FDX1: variants seen among roughly 807,000 people sequenced by gnomAD.
FDX1 encodes adrenodoxin, mitochondrial.
In FDX1, 9 loss-of-function variants were observed where a neutral mutation model predicts 14.9. That is an observed-to-expected ratio of 0.60 (90% confidence interval 0.36 to 1.05). The LOEUF (loss-of-function observed/expected upper bound fraction) is 1.05, where lower values mean the gene tolerates loss of function less well. Among genes scored for constraint, FDX1 ranks in the 50% least tolerant of loss-of-function variants. FDX1 has a pLI of 0.01. For missense variants in FDX1, 204 were observed against 237.2 expected, an observed-to-expected ratio of 0.86 and a Z score of 0.92; for synonymous variants, 92 against 99.4, an observed-to-expected ratio of 0.93 and a Z score of 0.44.
At chr11:110,458,747 A>G (rs1053298565) in intron 3 of FDX1, among the ~76,000 whole-genome samples, 7 of 151,916 alleles carry the variant, frequency 4.6e-5, no homozygotes, top group Admixed American at 2.0e-4. Context: ...AGCTGGGATT[A>G]CAGGTGCCTG....
In FDX1 at chr11:110,463,533, A is replaced by G. The variant is rs747086536; in HGVS notation, c.*1065A>G. On this transcript the variant is annotated 3_prime_UTR_variant, in exon 4 of 4. Coordinates refer to ENST00000260270, the MANE Select transcript of FDX1 (RefSeq NM_004109.5). ...ATGGTCTTTGGAAATATAATAAAAC[A>G]TCAACTAACTTGGACTAATTGTGAG... The G allele has an allele frequency of 5.9e-5, 9 of 152,260 alleles. No homozygotes were observed. The highest frequency in any genetic ancestry group is 1.0e-4 in the Non-Finnish European group (7 of 68,042). The allele number at this position is 152,260 out of a possible 1,614,324, so 9.4% of individuals were successfully genotyped here.
At chr11:110,434,553 G>C (rs939280899) in intron 1 of FDX1, among the ~76,000 whole-genome samples, 1 of 151,670 alleles carries the variant, frequency 6.6e-6, no homozygotes, top group African/African-American at 2.4e-5. Context: ...GGCTGGTCTT[G>C]AACTTCTGAC....
At chr11:110,448,012 G>C (rs1456539209) in intron 2 of FDX1, among the ~76,000 whole-genome samples, 1 of 152,178 alleles carries the variant, frequency 6.6e-6, no homozygotes, top group African/African-American at 2.4e-5. Flanking sequence ...TTTGGAAACA[G>C]TTCAAACTTA....
intron 2 of FDX1, among the ~76,000 whole-genome samples, chr11:110,445,928 T>C (rs1382897778): frequency 6.6e-6 from 1 of 152,170 alleles, no homozygotes; most frequent in African/African-American, 2.4e-5. Flanking sequence ...ATTTAACACT[T>C]CATATCATCA....
At chr11:110,457,087 G>A (rs1438684669) in intron 3 of FDX1, 40 bp downstream of exon 3, 1 of 1,577,304 alleles carries the variant, frequency 6.3e-7, no homozygotes, top group South Asian at 1.1e-5. Context: ...TAATAATCTG[G>A]GAACATAGAT....
chr11:110,434,575 C>T (rs190759657), intron 1 of FDX1, among the ~76,000 whole-genome samples: 226 of 152,014 alleles, frequency 1.5e-3, no homozygotes, highest in Admixed American at 0.012. Context: ...TCAGGTAATC[C>T]GCCCGCCTTG....
intron 1 of FDX1, among the ~76,000 whole-genome samples, chr11:110,432,057 GT>G (rs1425977069): frequency 1.3e-5 from 2 of 152,206 alleles, no homozygotes; most frequent in Non-Finnish European, 2.9e-5. Flanking sequence ...AGTGGCTACT[GT>G]ATTGGACATT....
chr11:110,440,488 G>T (rs778004901), intron 2 of FDX1, among the ~76,000 whole-genome samples: 10 of 152,038 alleles, frequency 6.6e-5, no homozygotes, highest in Non-Finnish European at 1.2e-4. Flanking sequence ...AGAATTTTTT[G>T]ATTTCTGCCA....
chr11:110,453,540 T>C (rs1371229677), intron 2 of FDX1, among the ~76,000 whole-genome samples: 1 of 151,476 alleles, frequency 6.6e-6, no homozygotes, highest in Non-Finnish European at 1.5e-5. Context: ...TACCCAAATA[T>C]TTACCTTATT....
intron 3 of FDX1, among the ~76,000 whole-genome samples, chr11:110,457,979 G>A (rs955747806): frequency 6.6e-6 from 1 of 152,154 alleles, no homozygotes; most frequent in African/African-American, 2.4e-5. Context: ...GGACACCAAA[G>A]CAGAGTGGAT....
Position 110,441,676 on chromosome 11 carries a change from G to C in FDX1, c.310+5718G>C, listed in dbSNP as rs566651500. 2.6e-5 allele frequency among the ~76,000 whole-genome samples: 4 copies of C among 152,306 alleles called. No homozygotes were observed. In the South Asian group the frequency reaches 8.3e-4, roughly 32 times the overall value. On this transcript the variant is annotated intron_variant, in intron 2 of 3. Transcript: ENST00000260270. Reference sequence around the variant, plus strand: ...TGTTAAAGGCATTCAGTTTTAAAAGGAAACAGCATAAAAAAGTTTGGAAAA... The same window carrying C: ...TGTTAAAGGCATTCAGTTTTAAAAGCAAACAGCATAAAAAAGTTTGGAAAA...
At chr11:110,446,899 A>G (rs1946453489) in intron 2 of FDX1, among the ~76,000 whole-genome samples, 1 of 152,218 alleles carries the variant, frequency 6.6e-6, no homozygotes, top group Non-Finnish European at 1.5e-5. Context: ...TGAGTGGGCC[A>G]GGCACAGTGG....
At chr11:110,429,923 T>G (rs1347109757), upstream of FDX1, 13 of 335,916 alleles carry the variant, frequency 3.9e-5, no homozygotes, top group East Asian at 4.6e-5. Flanking sequence ...TGCTTGCCAA[T>G]GTCTTTATAG....
At chr11:110,449,800 G>A (rs1464917190) in intron 2 of FDX1, among the ~76,000 whole-genome samples, 1 of 152,004 alleles carries the variant, frequency 6.6e-6, no homozygotes, top group Non-Finnish European at 1.5e-5. Flanking sequence ...GCTAATTTTT[G>A]TATTTTTAGT....
chr11:110,436,134 G>T (rs1225223293), intron 2 of FDX1, among the ~76,000 whole-genome samples, 176 bp downstream of exon 2: 1 of 151,864 alleles, frequency 6.6e-6, no homozygotes, highest in Non-Finnish European at 1.5e-5. Flanking sequence ...TGACACCATT[G>T]TTCTGTTCTT....
intron 2 of FDX1, among the ~76,000 whole-genome samples, chr11:110,443,164 A>G (rs1946416013): frequency 6.6e-6 from 1 of 152,188 alleles, no homozygotes; most frequent in South Asian, 2.1e-4. Flanking sequence ...AAAATGGACT[A>G]ATACAATTGG....
intron 1 of FDX1, among the ~76,000 whole-genome samples, chr11:110,431,427 A>G (rs1445021904): frequency 6.6e-6 from 1 of 152,088 alleles, no homozygotes; most frequent in Non-Finnish European, 1.5e-5. Context: ...TTTCTTTTTG[A>G]GGTCTCTGAG....
At chr11:110,446,967 G>A (rs1946453903) in intron 2 of FDX1, among the ~76,000 whole-genome samples, 1 of 152,132 alleles carries the variant, frequency 6.6e-6, no homozygotes, top group Admixed American at 6.5e-5. Flanking sequence ...ACAAGGTCAC[G>A]AGTTTGAGAC....
intron 2 of FDX1, among the ~76,000 whole-genome samples, chr11:110,449,760 T>G (rs920672163): frequency 6.6e-6 from 1 of 152,188 alleles, no homozygotes; most frequent in Admixed American, 6.5e-5. Context: ...TCCTAATAGC[T>G]GGGATTATAG....
Sources: gnomAD v4.1 joint callset for allele counts (sites outside exome capture counted in the v4.1 genomes callset) on GRCh38, gnomAD v4.1.1 for gene constraint, MANE v1.5 for transcripts, NCBI Gene and HGNC (gene_info 2026-07-23, HGNC 2026-07-21) for gene names.